Variants in CADM2 observed in about 807,000 individuals in gnomAD.
CADM2 encodes the protein immunoglobulin superfamily member 4D.
A neutral mutation model predicts 49.8 loss-of-function variants in CADM2; 12 were observed. The ratio of observed to expected loss-of-function variants is 0.24; its 90% CI spans 0.15 to 0.39. The LOEUF is 0.39. Ranked by LOEUF, CADM2 falls within the 10% of genes least tolerant of loss-of-function variation. CADM2 has a pLI of 1.00. For missense variants in CADM2, 378 were observed against 492.3 expected (o/e 0.77, Z 2.20); for synonymous variants, 214 against 175.4 (o/e 1.22, Z -1.74).
At chr3:85,298,152 G>A (rs2044012092) in intron 1 of CADM2, among the ~76,000 whole-genome samples, 1 of 152,056 alleles carries the variant, frequency 6.6e-6, no homozygotes, top group Middle Eastern at 3.2e-3. Context: ...AATAGCCTGA[G>A]AGAGAGGAAG....
chr3:85,864,871 T>C (rs553007969), intron 3 of CADM2, among the ~76,000 whole-genome samples: 1 of 152,340 alleles, frequency 6.6e-6, no homozygotes, highest in Non-Finnish European at 1.5e-5. Flanking sequence ...TTCTTTTTGC[T>C]ATCTTTTTTC....
chr3:85,795,888 T>A (rs1473347196), intron 2 of CADM2, among the ~76,000 whole-genome samples: 2 of 152,210 alleles, frequency 1.3e-5, no homozygotes, highest in Non-Finnish European at 2.9e-5. Context: ...AATGAAAATG[T>A]TGAACTTTCA....
chr3:85,212,889 T>C lies in CADM2; in HGVS notation c.61+253221T>C, dbSNP rs1393742222. Among the ~76,000 whole-genome samples, 2 of 138,008 alleles carry C rather than the reference T, an allele frequency of 1.4e-5. 1 individual carries two copies. Among genetic ancestry groups the C allele is most frequent in the Non-Finnish European group, 3.0e-5 (2 of 66,944 alleles). 90.5% of individuals were successfully genotyped at this position (138,008 alleles called of 152,430 possible). ...TTCTTTCTTTCTTTCTTTCTTTCTCTTTCTTTCTTTTAATGGAGTCTCACA... is the reference window on the plus strand; with the variant it reads ...TTCTTTCTTTCTTTCTTTCTTTCTCCTTCTTTCTTTTAATGGAGTCTCACA... On this transcript the variant is annotated intron_variant, in intron 1 of 9. Transcript: ENST00000383699.
intron 1 of CADM2, among the ~76,000 whole-genome samples, chr3:85,307,411 G>C (rs1390509268): frequency 6.6e-6 from 1 of 151,636 alleles, no homozygotes; most frequent in African/African-American, 2.4e-5. Flanking sequence ...TTTGTTTCTT[G>C]ATCCCTAGAT....
chr3:85,605,232 C>G (rs1247549018), intron 1 of CADM2, among the ~76,000 whole-genome samples: 4 of 151,966 alleles, frequency 2.6e-5, no homozygotes, highest in African/African-American at 9.7e-5. Context: ...AAGTGCATAA[C>G]AAAAGTACAA....
chr3:85,988,295 A>G (rs1728359870), intron 8 of CADM2, among the ~76,000 whole-genome samples: 1 of 152,184 alleles, frequency 6.6e-6, no homozygotes, highest in East Asian at 1.9e-4. Flanking sequence ...ATACTCATTT[A>G]AATTAAGCTA....
intron 1 of CADM2, among the ~76,000 whole-genome samples, chr3:85,218,155 T>C (rs1015158191): frequency 1.3e-5 from 2 of 152,148 alleles, no homozygotes; most frequent in Non-Finnish European, 2.9e-5. Flanking sequence ...AGAGTCTTTT[T>C]TTAAAAAAAA....
chr3:85,096,534 G>T (rs1196422873), intron 1 of CADM2, among the ~76,000 whole-genome samples: 3 of 151,944 alleles, frequency 2.0e-5, no homozygotes, highest in African/African-American at 7.2e-5. Flanking sequence ...TTATAAGTTT[G>T]GGTTGAAAGT....
Position 85,470,424 on chromosome 3 carries a change from T to C in CADM2, c.62-256098T>C, listed in dbSNP as rs993446804. Among the ~76,000 whole-genome samples, 20 of 152,054 alleles carry C rather than the reference T, an allele frequency of 1.3e-4. 1 individual carries two copies. Among genetic ancestry groups the C allele is most frequent in the African/African-American group, 4.8e-4 (20 of 41,394 alleles). On this transcript the variant is annotated intron_variant, in intron 1 of 9. Coordinates refer to ENST00000383699, the MANE Select transcript of CADM2 (RefSeq NM_001167675.2). ...GCTGAAATATAGTAGATCTTTGTGT[T>C]TTAGTAGAAAAGGAAAACAAGAAAA...
At chr3:85,060,863 A>G (rs2036279501) in intron 1 of CADM2, among the ~76,000 whole-genome samples, 1 of 152,196 alleles carries the variant, frequency 6.6e-6, no homozygotes, top group Non-Finnish European at 1.5e-5. Flanking sequence ...AATAGACACG[A>G]GATCAACATA....
chr3:86,013,153 T>A, intron 8 of CADM2: 1 of 1,351,804 alleles, frequency 7.4e-7, no homozygotes. Context: ...AGAAAACGAA[T>A]AAAAGAACTG....
chr3:85,447,004 A>ATATT (rs1201774387), intron 1 of CADM2, among the ~76,000 whole-genome samples: 1 of 127,880 alleles, frequency 7.8e-6, no homozygotes, highest in Non-Finnish European at 1.6e-5. Flanking sequence ...ATATATATAT[A>ATATT]TATATATATA....
chr3:85,153,243 C>T (rs890690095), intron 1 of CADM2, among the ~76,000 whole-genome samples: 7 of 152,234 alleles, frequency 4.6e-5, no homozygotes, highest in East Asian at 2.0e-4. Flanking sequence ...CTGCGCGAGC[C>T]GAAGCAGGGC....
chr3:86,006,020 C>G (rs1394001847), intron 8 of CADM2, among the ~76,000 whole-genome samples: 5 of 152,148 alleles, frequency 3.3e-5, no homozygotes, highest in Non-Finnish European at 5.9e-5. Context: ...ATCTCCAGTT[C>G]CATCCATGTT....
rs192414252 is a variant in CADM2 at position 85,650,483 on chromosome 3, C to G, written c.62-76039C>G. On this transcript the variant is annotated intron_variant, in intron 1 of 9. Coordinates refer to ENST00000383699, the MANE Select transcript of CADM2 (RefSeq NM_001167675.2). The stretch of plus-strand genomic sequence containing the variant: ...GTGTTAGTGTGTGGGTGTTTGTATA[C>G]AGATATTATATTTTAAGTGATCAGA... 7.6e-5 allele frequency among the ~76,000 whole-genome samples: 11 copies of G among 144,154 alleles called. No homozygotes were observed. In the East Asian group the frequency reaches 2.3e-3, roughly 30 times the overall value. The allele number at this position is 144,154 out of a possible 152,430, so 94.6% of individuals were successfully genotyped here.
chr3:85,739,225 A>G (rs2068277131), intron 2 of CADM2, among the ~76,000 whole-genome samples: 1 of 152,094 alleles, frequency 6.6e-6, no homozygotes, highest in African/African-American at 2.4e-5. Flanking sequence ...TCTTGACAGA[A>G]TAGAGTCATA....
intron 8 of CADM2, among the ~76,000 whole-genome samples, chr3:86,057,270 C>T (rs950141535): frequency 2.0e-5 from 3 of 151,986 alleles, no homozygotes; most frequent in African/African-American, 4.8e-5. Context: ...CCATAGTGCC[C>T]CTCTTTCTGA....
chr3:85,156,649 T>C (rs892188240), intron 1 of CADM2, among the ~76,000 whole-genome samples: 3 of 151,978 alleles, frequency 2.0e-5, no homozygotes, highest in Non-Finnish European at 1.5e-5. Flanking sequence ...TCCTTCATGC[T>C]AAAAACTCTC....
chr3:85,202,860 C>T (rs2041542971), intron 1 of CADM2, among the ~76,000 whole-genome samples: 2 of 152,186 alleles, frequency 1.3e-5, no homozygotes, highest in Non-Finnish European at 2.9e-5. Flanking sequence ...GCTAAATCTT[C>T]TGTATAACTT....
Sources: allele counts gnomAD v4.1 joint callset (sites outside exome capture counted in the v4.1 genomes callset), GRCh38; gene constraint gnomAD v4.1.1; transcripts MANE v1.5; gene names NCBI Gene and HGNC (gene_info 2026-07-23, HGNC 2026-07-21).